Variants in OTUD7B observed in about 807,000 individuals in gnomAD.
The protein encoded by OTUD7B is OTU domain-containing protein 7B.
Under a neutral mutation model 82.2 loss-of-function variants are expected in OTUD7B, and 34 were observed. The ratio of observed to expected loss-of-function variants is 0.41; its 90% CI spans 0.31 to 0.55. The LOEUF is 0.55. Among genes scored for constraint, OTUD7B ranks in the 20% least tolerant of loss-of-function variants. The probability of loss-of-function intolerance (pLI) is 0.20; values close to 1 mark genes in which losing one functional copy is unlikely to be tolerated. For synonymous variants in OTUD7B, 398 were observed against 402.7 expected (o/e 0.99, Z 0.14); for missense variants, 944 against 1,062.1 (o/e 0.89, Z 1.55).
chr1:150,034,956 A>G, the OTUD7B span, among the ~76,000 whole-genome samples: 2 of 152,076 alleles, frequency 1.3e-5, no homozygotes, highest in Non-Finnish European at 2.9e-5. Flanking sequence ...CACCCTGGCT[A>G]ACATGATGAA....
intron 1 of OTUD7B, among the ~76,000 whole-genome samples, chr1:149,980,360 A>G (rs1553779408): frequency 6.6e-6 from 1 of 151,974 alleles, no homozygotes; most frequent in African/African-American, 2.4e-5. Context: ...AGCTTTTGTT[A>G]CATCACCACT....
At chr1:149,958,538 A>G (rs1226021013) in intron 7 of OTUD7B, among the ~76,000 whole-genome samples, 1 of 151,924 alleles carries the variant, frequency 6.6e-6, no homozygotes, top group African/African-American at 2.4e-5. Flanking sequence ...CACATTGGCC[A>G]GGCTGGTCTC....
chr1:149,974,926 T>A (rs1650205747), intron 2 of OTUD7B, among the ~76,000 whole-genome samples: 2 of 151,854 alleles, frequency 1.3e-5, no homozygotes, highest in South Asian at 4.2e-4. Context: ...ACTCCTGGGC[T>A]TAATTAAGCG....
rs151320075 is a variant in OTUD7B, at chr1:149,960,478, G to A, written c.733-682C>T. Among the ~76,000 whole-genome samples, 45 of 131,934 alleles carry A rather than the reference G, an allele frequency of 3.4e-4. No individual in the cohort carries two copies. In the East Asian group the frequency reaches 9.2e-3, roughly 27 times the overall value. 86.6% of individuals were successfully genotyped at this position (131,934 alleles called of 152,430 possible). A position where few individuals can be genotyped will look rare whatever the true frequency, so the allele number is the denominator to read the frequency against. On this transcript the variant is annotated intron_variant, in intron 6 of 11. Coordinates refer to ENST00000581312, the MANE Select transcript of OTUD7B (RefSeq NM_020205.4). ...CGGCTCACTGCAAACTTCACCTCCC[G>A]GGTTCAAATGCTTCTCCTGCCTCAG...
chr1:150,004,749 G>C (rs1426378830), intron 1 of OTUD7B, among the ~76,000 whole-genome samples: 2 of 151,932 alleles, frequency 1.3e-5, no homozygotes, highest in Non-Finnish European at 2.9e-5. Flanking sequence ...GAACATCTCA[G>C]GTATAGTCCT....
chr1:149,944,660 G>A lies in OTUD7B; in HGVS notation c.1729C>T (p.Pro577Ser), dbSNP rs1553771561. The A allele has an allele frequency of 1.2e-6, 2 of 1,613,680 alleles. No individual in the cohort carries two copies. ...CCTCCGTTACCAACAGACTCAGCTG[G>A]GGGCTTCTCAGACACAGGCCCATCC... ...AGDGPVSEKP[P>S]AESVGNGGSK... Residue 577 changes from proline to serine, a missense_variant, in exon 12 of 12, where the codon CCA becomes TCA. Physicochemically the swap from Pro to Ser is moderately conservative, Grantham distance 74 (BLOSUM62 -1). This residue lies in a region of OTUD7B where 412 missense variants were observed against 418.7 expected (regional missense o/e 0.98). Transcript: ENST00000581312.
chr1:149,993,939 G>T (rs1318550478), intron 1 of OTUD7B, among the ~76,000 whole-genome samples: 1 of 152,142 alleles, frequency 6.6e-6, no homozygotes, highest in Non-Finnish European at 1.5e-5. Flanking sequence ...AGTAGTATGG[G>T]CAATGCTTCA....
At chr1:150,048,477 G>A in the OTUD7B span, 1 of 152,056 alleles carries the variant, frequency 6.6e-6, no homozygotes, top group South Asian at 2.1e-4. Context: ...AACTTTGGGA[G>A]GCCAAGGCAG....
At chr1:150,057,036 A>C in the OTUD7B span, among the ~76,000 whole-genome samples, 1 of 152,214 alleles carries the variant, frequency 6.6e-6, no homozygotes, top group Non-Finnish European at 1.5e-5. Context: ...AGGTAAACCA[A>C]GTGATCAAAG....
In OTUD7B at chr1:149,943,986, T is replaced by C. The variant is rs782580313; in HGVS notation, c.2403A>G (p.Lys801=). ...AGAAGCTGCAGTTCGGTTGTTTGCA[T>C]TTGGTCTGAGTTGGGGGAAGGCCCC... ...GLRGLPPTQT[K]CKQPNCSFYG... Residue 801 remains lysine (K), a synonymous_variant, in exon 12 of 12, where the codon AAA becomes AAG. Coordinates refer to ENST00000581312, the MANE Select transcript of OTUD7B (RefSeq NM_020205.4). The C allele has an allele frequency of 1.2e-6, 2 of 1,614,096 alleles. No homozygotes were observed. Among genetic ancestry groups the C allele is most frequent in the East Asian group, 4.5e-5 (2 of 44,894 alleles).
intron 1 of OTUD7B, among the ~76,000 whole-genome samples, chr1:149,993,405 G>A (rs1366827686): frequency 1.3e-5 from 2 of 152,102 alleles, no homozygotes; most frequent in East Asian, 1.9e-4. Context: ...CGTTATCTCT[G>A]CTTTCTAAAA....
intron 1 of OTUD7B, among the ~76,000 whole-genome samples, chr1:149,997,894 G>C (rs1222049623): frequency 6.6e-6 from 1 of 152,036 alleles, no homozygotes; most frequent in African/African-American, 2.4e-5. Flanking sequence ...ACAATCAAAA[G>C]AACGGACGAT....
At chr1:149,997,003 G>C (rs1553783593) in intron 1 of OTUD7B, among the ~76,000 whole-genome samples, 1 of 152,156 alleles carries the variant, frequency 6.6e-6, no homozygotes, top group Non-Finnish European at 1.5e-5. Context: ...ATTTAAAAAT[G>C]CTTAAAACTG....
At chr1:149,978,552 A>T (rs1559851111) in intron 1 of OTUD7B, among the ~76,000 whole-genome samples, 1 of 152,226 alleles carries the variant, frequency 6.6e-6, no homozygotes. Context: ...TCCACAAAGC[A>T]GAGTGGGGAC....
chr1:150,047,510 A>C, the OTUD7B span, among the ~76,000 whole-genome samples: 1 of 152,126 alleles, frequency 6.6e-6, no homozygotes, highest in Non-Finnish European at 1.5e-5. Context: ...TGTTTTTTTC[A>C]ATCCCATATT....
chr1:150,047,061 G>A, the OTUD7B span, among the ~76,000 whole-genome samples: 22,663 of 151,780 alleles, frequency 0.15, 1,852 homozygotes, highest in African/African-American at 0.18. Context: ...ACAGAGCACA[G>A]CTCTGTCTTG....
chr1:150,034,456 CA>C, the OTUD7B span, among the ~76,000 whole-genome samples: 1 of 152,210 alleles, frequency 6.6e-6, no homozygotes. Flanking sequence ...ATCACACACA[CA>C]TAGTTTCTGC....
intron 1 of OTUD7B, among the ~76,000 whole-genome samples, chr1:149,981,623 T>G (rs1170654979): frequency 6.6e-6 from 1 of 152,220 alleles, no homozygotes; most frequent in Non-Finnish European, 1.5e-5. Flanking sequence ...AACAGTGGCC[T>G]TATTTTACAA....
At chr1:150,006,732 T>C (rs1553786199) in intron 1 of OTUD7B, among the ~76,000 whole-genome samples, 1 of 152,200 alleles carries the variant, frequency 6.6e-6, no homozygotes, top group Non-Finnish European at 1.5e-5. Context: ...AATCCGGCCA[T>C]AGTCTTGAGA....
Sources: gnomAD v4.1 joint callset for allele counts (sites outside exome capture counted in the v4.1 genomes callset) on GRCh38, gnomAD v4.1.1 for gene constraint, gnomAD v4.1.1 regional missense constraint, MANE v1.5 for transcripts, NCBI Gene and HGNC (gene_info 2026-07-23, HGNC 2026-07-21) for gene names.